Variants in ZSCAN20 observed in about 807,000 individuals in gnomAD.
The protein encoded by ZSCAN20 is zinc finger and SCAN domain-containing protein 20.
In ZSCAN20, 39 loss-of-function variants were observed where a neutral mutation model predicts 97.1. That is an observed-to-expected ratio of 0.40 (90% confidence interval 0.31 to 0.52). The LOEUF is 0.52. ZSCAN20 is among the 20% of genes least tolerant of loss of function. The pLI is 0.49. For missense variants in ZSCAN20, 1,115 were observed against 1,290.4 expected (o/e 0.86, Z 2.08); for synonymous variants, 456 against 467.3 (o/e 0.98, Z 0.31).
intron 1 of ZSCAN20, among the ~76,000 whole-genome samples, chr1:33,476,281 C>T (rs1283072477): frequency 1.3e-5 from 2 of 152,194 alleles, no homozygotes; most frequent in Non-Finnish European, 2.9e-5. Context: ...CAATAGCCTG[C>T]TATCCATACT....
At chr1:33,492,401 T>G (rs1652655267) in intron 6 of ZSCAN20, 1 of 152,208 alleles carries the variant, frequency 6.6e-6, no homozygotes, top group Non-Finnish European at 1.5e-5. Context: ...GTGTCCTCAT[T>G]TGGCCTTTCT....
rs751896683 is a variant in ZSCAN20 at position 33,494,734 on chromosome 1, G to C, written c.2390G>C (p.Gly797Ala). 1.1e-5 allele frequency: 17 copies of C among 1,614,064 alleles called. No homozygotes were observed. The highest frequency in any genetic ancestry group is 1.4e-5 in the Non-Finnish European group (16 of 1,180,018). Residue 797 changes from glycine (G) to alanine (A), a missense_variant, in exon 8 of 8, where the codon GGA (glycine) becomes GCA (alanine). Physicochemically the swap from Gly to Ala is moderately conservative, Grantham distance 60 (BLOSUM62 0). This residue lies in a region of ZSCAN20 where 554 missense variants were observed against 584.9 expected (regional missense o/e 0.95). Transcript: ENST00000684572. ...IHTGEKPYKC[G>A]ECWKSFNQSS... ...ACGGGGGAAAAGCCCTATAAATGTG[G>C]AGAATGTTGGAAAAGCTTCAACCAG... is the stretch of plus-strand genomic sequence containing the variant.
rs545412640 is a variant in ZSCAN20 at position 33,485,615 on chromosome 1, C to T, written c.418-2850C>T. On this transcript the variant is annotated intron_variant, in intron 2 of 7. Coordinates refer to ENST00000684572, the MANE Select transcript of ZSCAN20 (RefSeq NM_001377376.1). ...TTTTTGTTGAGATGGGATTTCACCA[C>T]GTTTCCCAAGCTGGTCTTGAACTCC... Among the ~76,000 whole-genome samples, 11 of 151,818 alleles carry T rather than the reference C, an allele frequency of 7.2e-5. No individual in the cohort carries two copies. The South Asian group carries it at 8.3e-4, about 12-fold the overall frequency.
intron 2 of ZSCAN20, among the ~76,000 whole-genome samples, chr1:33,487,021 T>C (rs1652395230): frequency 6.6e-6 from 1 of 152,182 alleles, no homozygotes; most frequent in Admixed American, 6.5e-5. Flanking sequence ...TTCAAAAAAA[T>C]AAGACTCAGA....
chr1:33,494,568 G>A lies in ZSCAN20; in HGVS notation c.2224G>A (p.Glu742Lys), dbSNP rs772799307. Residue 742 changes from glutamate (E) to lysine (K), a missense_variant, in exon 8 of 8, where the codon GAA (glutamate) becomes AAA (lysine). Physicochemically the swap from Glu to Lys is moderately conservative, Grantham distance 56. This residue lies in a region of ZSCAN20 where 554 missense variants were observed against 584.9 expected (regional missense o/e 0.95). Transcript: ENST00000684572. ...HTGEKPYKCLECGKNFSDRSN... is the reference protein window; with the variant it reads ...HTGEKPYKCLKCGKNFSDRSN... ...AGGTGAGAAGCCCTACAAATGCCTT[G>A]AATGTGGAAAAAACTTTAGTGACCG... 5.6e-6 allele frequency: 9 copies of A among 1,613,862 alleles called. No homozygotes were observed. Among genetic ancestry groups the A allele is most frequent in the Middle Eastern group, 1.6e-4 (1 of 6,084 alleles).
At chr1:33,485,131 G>A (rs1448984990) in intron 2 of ZSCAN20, among the ~76,000 whole-genome samples, 1 of 152,154 alleles carries the variant, frequency 6.6e-6, no homozygotes, top group Non-Finnish European at 1.5e-5. Flanking sequence ...ACCCATCTGA[G>A]CTTGGTGCTT....
Position 33,495,415 on chromosome 1 carries a change from T to C in ZSCAN20, c.3071T>C (p.Phe1024Ser). The change falls in exon 8 of 8, where the codon TTC becomes TCC. Residue 1024 changes from phenylalanine to serine, a missense_variant. Transcript: ENST00000684572. ...AAGTGCACAGAGTGTGGCAAAGACT[T>C]CAACAACAGTTCCCACTTCAGTGCT... ...PYKCTECGKDFNNSSHFSAHR... is the reference protein window; with the variant it reads ...PYKCTECGKDSNNSSHFSAHR... The C allele has an allele frequency of 6.3e-7, 1 of 1,591,286 alleles. No homozygotes were observed. Among genetic ancestry groups the C allele is most frequent in the Non-Finnish European group, 8.6e-7 (1 of 1,168,150 alleles).
chr1:33,478,989 C>A (rs1652035522), intron 1 of ZSCAN20, among the ~76,000 whole-genome samples, 190 bp from the exon 2 acceptor site: 1 of 152,188 alleles, frequency 6.6e-6, no homozygotes, highest in African/African-American at 2.4e-5. Context: ...TCTAATCAAC[C>A]CAGCAGTCAA....
rs1203196144 is a variant in ZSCAN20 at position 33,496,956 on chromosome 1, A to C, written c.*1480A>C. 6.6e-6 allele frequency among the ~76,000 whole-genome samples: 1 copy of C among 152,198 alleles called. No homozygotes were observed. Among genetic ancestry groups the C allele is most frequent in the Non-Finnish European group, 1.5e-5 (1 of 68,028 alleles). ...ACTTTGGCCTCCAGAGTTTCTCCTT[A>C]GAAGGGTTTAAAACTGTTGACCAAG... On this transcript the variant is annotated 3_prime_UTR_variant, in exon 8 of 8. Transcript: ENST00000684572.
chr1:33,476,965 G>A (rs1206673708), intron 1 of ZSCAN20, among the ~76,000 whole-genome samples: 1 of 152,188 alleles, frequency 6.6e-6, no homozygotes, highest in East Asian at 1.9e-4. Flanking sequence ...ATACTGGGTT[G>A]AGCACTGTGG....
Position 33,491,703 on chromosome 1 carries a change from G to A in ZSCAN20, c.1444+1G>A. 6.3e-7 allele frequency: 1 copy of A among 1,577,096 alleles called. No individual in the cohort carries two copies. On this transcript the variant is annotated splice_donor_variant, in intron 6 of 7. Coordinates refer to ENST00000684572, the MANE Select transcript of ZSCAN20 (RefSeq NM_001377376.1). LOFTEE classifies it high-confidence loss of function. The surrounding 1 kb of genome is among the most constrained non-coding windows in gnomAD (Gnocchi z 4.3). The stretch of plus-strand genomic sequence containing the variant: ...CCAGCTCTGTTCCAGAGTCGTATTG[G>A]TAAGAACATGGGGGTTTAGTCAGAT...
rs1053993558 is a variant in ZSCAN20, at chr1:33,493,564, A to T, written c.1822A>T (p.Asn608Tyr). ...DAQEAWGEVA[N>Y]EDAVKPSTLC... The stretch of plus-strand genomic sequence containing the variant: ...CCAGGAGGCCTGGGGTGAAGTGGCC[A>T]ATGAAGATGCTGTCAAACCTTCAAC... The change falls in exon 7 of 8, where the codon AAT becomes TAT. Residue 608 changes from asparagine (N) to tyrosine (Y), a missense_variant. By Grantham distance (143) the Asn-to-Tyr change is moderately radical. Around this residue, in one of 3 missense-constraint regions of ZSCAN20, gnomAD observed 554 missense variants for 584.9 expected, o/e 0.95. Transcript: ENST00000684572. This position sits in a 1 kb window ranked among gnomAD's most constrained non-coding sequence, Gnocchi z 4.3. 1 of 1,608,648 alleles carries T rather than the reference A, an allele frequency of 6.2e-7. No individual in the cohort carries two copies.
chr1:33,487,708 T>A (rs572288522), intron 2 of ZSCAN20, among the ~76,000 whole-genome samples: 10 of 152,198 alleles, frequency 6.6e-5, no homozygotes, highest in Non-Finnish European at 1.5e-4. Context: ...AGTGGCATGA[T>A]CATAGGTCAC....
chr1:33,491,278 A>C lies in ZSCAN20; in HGVS notation c.1020A>C (p.Glu340Asp). ...ETKTFLAILS[E>D]SPFSEKLRTC... The stretch of plus-strand genomic sequence containing the variant: ...AGACTTTCCTGGCAATTTTGAGTGA[A>C]TCTCCTTTCTCTGAAAAGCTCCGGA... Residue 340 changes from glutamate (E) to aspartate (D), a missense_variant, in exon 6 of 8, where the codon GAA (glutamate) becomes GAC (aspartate). Physicochemically the swap from Glu to Asp is conservative, Grantham distance 45 (BLOSUM62 2). Coordinates refer to ENST00000684572, the MANE Select transcript of ZSCAN20 (RefSeq NM_001377376.1). The surrounding 1 kb of genome is among the most constrained non-coding windows in gnomAD (Gnocchi z 4.3). 6.2e-7 allele frequency: 1 copy of C among 1,614,126 alleles called. No homozygotes were observed. The highest frequency in any genetic ancestry group is 8.5e-7 in the Non-Finnish European group (1 of 1,180,028).
intron 5 of ZSCAN20, 42 bp downstream of exon 5, chr1:33,489,644 T>G (rs776873149): frequency 1.5e-5 from 24 of 1,569,110 alleles, no homozygotes; most frequent in Non-Finnish European, 2.1e-5. Flanking sequence ...GTCATGCTTC[T>G]GATACACCCA....
chr1:33,484,469 C>T (rs1446939896), intron 2 of ZSCAN20, among the ~76,000 whole-genome samples: 1 of 151,958 alleles, frequency 6.6e-6, no homozygotes, highest in East Asian at 1.9e-4. Context: ...TCTTTTTTTG[C>T]CCGTTGATGT....
At chr1:33,479,810 T>C (rs1249976548) in intron 2 of ZSCAN20, 105 bp downstream of exon 2, 4 of 1,241,362 alleles carry the variant, frequency 3.2e-6, no homozygotes, top group Non-Finnish European at 4.4e-6. Flanking sequence ...ACAATAGTTA[T>C]TGAGAACTGA....
Position 33,491,419 on chromosome 1 carries a change from C to T in ZSCAN20, c.1161C>T (p.Tyr387=). The change falls in exon 6 of 8, where the codon TAC becomes TAT. Residue 387 remains tyrosine (Y), a synonymous_variant. Coordinates refer to ENST00000684572, the MANE Select transcript of ZSCAN20 (RefSeq NM_001377376.1). The surrounding 1 kb of genome is among the most constrained non-coding windows in gnomAD (Gnocchi z 4.3). The part of the protein sequence containing the change: ...RYRVKNLLRN[Y]RKAKSSHPPG... ...GGGTCAAAAACCTCCTACGGAATTA[C>T]CGGAAAGCCAAGAGCAGCCACCCAC... is the stretch of plus-strand genomic sequence containing the variant. The T allele has an allele frequency of 2.5e-6, 4 of 1,614,206 alleles. No homozygotes were observed. Among genetic ancestry groups the T allele is most frequent in the Non-Finnish European group, 3.4e-6 (4 of 1,180,032 alleles).
At chr1:33,484,802 A>C (rs1420639714) in intron 2 of ZSCAN20, among the ~76,000 whole-genome samples, 2 of 151,354 alleles carry the variant, frequency 1.3e-5, no homozygotes, top group Non-Finnish European at 2.9e-5. Flanking sequence ...TTGTATTTTT[A>C]GTGGAGATGG....
Sources: allele counts gnomAD v4.1 joint callset (sites outside exome capture counted in the v4.1 genomes callset), GRCh38; gene constraint gnomAD v4.1.1; regional missense constraint gnomAD v4.1.1; non-coding constraint Gnocchi (gnomAD v3.1); transcripts MANE v1.5; gene names NCBI Gene and HGNC (gene_info 2026-07-23, HGNC 2026-07-21).